ZNF827: variants seen among roughly 807,000 people sequenced by gnomAD.
The protein encoded by ZNF827 is zinc finger protein 827.
Under a neutral mutation model 102.4 loss-of-function variants are expected in ZNF827, and 13 were observed. The observed-to-expected ratio is 0.13, with a 90% CI of 0.08 to 0.20. ZNF827 has a LOEUF of 0.20. Among genes scored for constraint, ZNF827 ranks in the 10% least tolerant of loss-of-function variants. The pLI, the probability that ZNF827 is intolerant of heterozygous loss-of-function variation, is 1.00. For missense variants in ZNF827, 1,103 were observed against 1,344.4 expected (o/e 0.82, Z 2.81); for synonymous variants, 523 against 536.2 (o/e 0.98, Z 0.34).
intron 1 of ZNF827, among the ~76,000 whole-genome samples, chr4:145,908,038 C>A (rs1380594929): frequency 6.6e-6 from 1 of 152,122 alleles, no homozygotes; most frequent in African/African-American, 2.4e-5. Context: ...GCTGCATTCT[C>A]GGTAGAGAAT....
chr4:145,902,335 C>T lies in ZNF827; in HGVS notation c.924G>A (p.Ser308=), dbSNP rs191255472. 1.4e-5 allele frequency: 23 copies of T among 1,604,194 alleles called. No homozygotes were observed. In the East Asian group the frequency reaches 2.2e-4, roughly 16 times the overall value. Residue 308 remains serine (S), a synonymous_variant, in exon 2 of 15, where the codon TCG becomes TCA. Coordinates refer to ENST00000508784, the MANE Select transcript of ZNF827 (RefSeq NM_001306215.2). The surrounding 1 kb of genome is among the most constrained non-coding windows in gnomAD (Gnocchi z 4.3). ...AAGSLLAEKS[S]LLPEDPLPPP... ...GCGGTAGAGGGTCCTCAGGCAGCAG[C>T]GATGATTTCTCAGCCAGAAGACTGC... is the stretch of plus-strand genomic sequence containing the variant.
chr4:145,764,143 T>G (rs913900509), intron 13 of ZNF827, among the ~76,000 whole-genome samples: 6 of 152,256 alleles, frequency 3.9e-5, no homozygotes, highest in African/African-American at 1.4e-4. Context: ...TCATTCAACA[T>G]GATCGTTTAG....
chr4:145,913,623 G>C (rs1365028071), intron 1 of ZNF827, among the ~76,000 whole-genome samples: 1 of 151,746 alleles, frequency 6.6e-6, no homozygotes, highest in Non-Finnish European at 1.5e-5. Flanking sequence ...GACCAAAATG[G>C]GACTGGTTAG....
In ZNF827 at chr4:145,813,954, T is replaced by C. The variant is rs113932686; in HGVS notation, c.2383+9468A>G. ...GAAGGACATGGTAACTGAATGGAAG[T>C]GGAGGGTGAAGAAGAGGTAATAATG... On this transcript the variant is annotated intron_variant, in intron 8 of 14. Transcript: ENST00000508784. Among the ~76,000 whole-genome samples the C allele has an allele frequency of 2.7e-3, 414 of 152,222 alleles. 2 individuals carry two copies. The highest frequency in any genetic ancestry group is 8.7e-3 in the African/African-American group (361 of 41,544).
At chr4:145,794,760 T>C (rs1015838145) in intron 8 of ZNF827, among the ~76,000 whole-genome samples, 2 of 152,148 alleles carry the variant, frequency 1.3e-5, no homozygotes, top group African/African-American at 2.4e-5. Context: ...GAAAAGGTTT[T>C]TACTTGTCAA....
chr4:145,765,172 G>A lies in ZNF827; in HGVS notation c.3053-7C>T. ...CAAAAAACACATTCGAACCCTGCAA[G>A]GACCGAAGCTGGGTATAGAGGTGCA... On this transcript the variant is annotated splice_region_variant and splice_polypyrimidine_tract_variant and intron_variant, in intron 12 of 14. Transcript: ENST00000508784. The surrounding 1 kb of genome is among the most constrained non-coding windows in gnomAD (Gnocchi z 4.7). 2 of 1,597,388 alleles carry A rather than the reference G, an allele frequency of 1.3e-6. No homozygotes were observed. The highest frequency in any genetic ancestry group is 2.3e-5 in the South Asian group (2 of 86,880).
rs1345603990 is a variant in ZNF827, at chr4:145,837,992, C to T, written c.2279+7964G>A. ...CTCCATACCACCCCCCAAAAATTTT[C>T]GCCACCCCAACACTTCAACACTATT... is the stretch of plus-strand genomic sequence containing the variant. On this transcript the variant is annotated intron_variant, in intron 7 of 14. Transcript: ENST00000508784. Among the ~76,000 whole-genome samples, 16 of 151,910 alleles carry T rather than the reference C, an allele frequency of 1.1e-4. No homozygotes were observed. The East Asian group carries it at 1.9e-3, about 18-fold the overall frequency.
At chr4:145,911,725 T>C (rs1030939028) in intron 1 of ZNF827, among the ~76,000 whole-genome samples, 3 of 152,188 alleles carry the variant, frequency 2.0e-5, no homozygotes, top group African/African-American at 4.8e-5. Context: ...CCCTAGATGA[T>C]TTCCAAACAT....
rs1734243922 is a variant in ZNF827 at position 145,759,675 on chromosome 4, CCTTTT to C, written c.*1936_*1940del. Reference sequence around the variant, plus strand: ...TTCCATAAAAAAGGTACATTTTCTTCCTTTTATTTTACTTTTTTTTTTTCAGATGA... The same window carrying C: ...TTCCATAAAAAAGGTACATTTTCTTCATTTTACTTTTTTTTTTTCAGATGA... On this transcript the variant is annotated 3_prime_UTR_variant, in exon 15 of 15. Transcript: ENST00000508784. 4 of 151,418 alleles carry C rather than the reference CCTTTT, an allele frequency of 2.6e-5. No homozygotes were observed. The South Asian group carries it at 8.3e-4, about 31-fold the overall frequency. 9.4% of individuals were successfully genotyped at this position (151,418 alleles called of 1,614,324 possible).
intron 7 of ZNF827, among the ~76,000 whole-genome samples, chr4:145,833,463 G>A (rs1370116332): frequency 1.3e-5 from 2 of 152,124 alleles, no homozygotes; most frequent in Admixed American, 6.5e-5. Flanking sequence ...CACCCTTAGT[G>A]GCAAGTCCCG....
intron 3 of ZNF827, among the ~76,000 whole-genome samples, chr4:145,891,233 TTC>T (rs1750578795): frequency 1.3e-5 from 2 of 152,228 alleles, no homozygotes; most frequent in African/African-American, 4.8e-5. Context: ...TTGGTTAATA[TTC>T]TCTCCTTAAA....
chr4:145,799,421 C>A (rs542738520), intron 8 of ZNF827, among the ~76,000 whole-genome samples: 14 of 152,212 alleles, frequency 9.2e-5, no homozygotes, highest in African/African-American at 3.4e-4. Context: ...AAGTCTGGCA[C>A]GGAAGGCTGA....
chr4:145,849,743 T>C (rs1200507084), intron 5 of ZNF827, among the ~76,000 whole-genome samples, 182 bp from the exon 6 acceptor site: 1 of 152,066 alleles, frequency 6.6e-6, no homozygotes, highest in Non-Finnish European at 1.5e-5. Flanking sequence ...CCAGAAAAGG[T>C]AGGAGACTTC....
At chr4:145,779,258 G>T (rs1476437883) in intron 9 of ZNF827, 116 bp downstream of exon 9, 2 of 1,355,486 alleles carry the variant, frequency 1.5e-6, no homozygotes, top group Non-Finnish European at 2.0e-6. Flanking sequence ...GCTTGAAAAG[G>T]TCAGCCATTC....
At chr4:145,871,926 T>C (rs1301523228) in intron 4 of ZNF827, among the ~76,000 whole-genome samples, 1 of 152,194 alleles carries the variant, frequency 6.6e-6, no homozygotes, top group African/African-American at 2.4e-5. Context: ...TCCCCTGCTG[T>C]GTCCCTTACC....
rs1456339645 is a variant in ZNF827, at chr4:145,758,202, T to C, written c.*3414A>G. ...AATTTACCAGAAAGATTGATGACTC[T>C]TTCCAAAGTGCTAAAAAAGTTGCCC... On this transcript the variant is annotated 3_prime_UTR_variant, in exon 15 of 15. Transcript: ENST00000508784. 6.6e-6 allele frequency: 1 copy of C among 152,216 alleles called. No homozygotes were observed. The highest frequency in any genetic ancestry group is 1.5e-5 in the Non-Finnish European group (1 of 68,030). 9.4% of individuals were successfully genotyped at this position (152,216 alleles called of 1,614,324 possible).
chr4:145,784,669 A>G (rs1738593674), intron 8 of ZNF827, among the ~76,000 whole-genome samples: 1 of 152,214 alleles, frequency 6.6e-6, no homozygotes, highest in East Asian at 1.9e-4. Context: ...CATATCAATA[A>G]CTGCTTTTAA....
At chr4:145,827,099 G>A (rs1019187529) in intron 7 of ZNF827, among the ~76,000 whole-genome samples, 10 of 152,322 alleles carry the variant, frequency 6.6e-5, no homozygotes, top group Admixed American at 6.5e-4. Flanking sequence ...AGGGACTACT[G>A]CATTATCCCT....
chr4:145,766,026 C>A lies in ZNF827; in HGVS notation c.2861-288G>T, dbSNP rs1359615717. 5.9e-5 allele frequency among the ~76,000 whole-genome samples: 9 copies of A among 152,300 alleles called. No homozygotes were observed. In the South Asian group the frequency reaches 1.7e-3, roughly 28 times the overall value. ...AGCTAAGACATACTAAACATGTTAC[C>A]ACGTTCCAGGAACTGTATTATACTT... On this transcript the variant is annotated intron_variant, in intron 11 of 14. Transcript: ENST00000508784.
Sources: allele counts gnomAD v4.1 joint callset (sites outside exome capture counted in the v4.1 genomes callset), GRCh38; gene constraint gnomAD v4.1.1; non-coding constraint Gnocchi (gnomAD v3.1); transcripts MANE v1.5; gene names NCBI Gene and HGNC (gene_info 2026-07-23, HGNC 2026-07-21).